EPM2A: variants seen among roughly 807,000 people sequenced by gnomAD.
EPM2A encodes the protein EPM2A glucan phosphatase, laforin.
In EPM2A, 21 loss-of-function variants were observed where a neutral mutation model predicts 26.5. The ratio of observed to expected loss-of-function variants is 0.79; its 90% CI spans 0.56 to 1.14. EPM2A has a LOEUF of 1.14. EPM2A is among the 50% of genes most tolerant of loss of function. The pLI is 0.00. For synonymous variants in EPM2A, 217 were observed against 177.6 expected, an observed-to-expected ratio of 1.22 and a Z score of -1.76; for missense variants, 458 against 440.8, an observed-to-expected ratio of 1.04 and a Z score of -0.35.
intron 2 of EPM2A, among the ~76,000 whole-genome samples, chr6:145,505,101 G>A (rs1243737272): frequency 2.5e-5 from 3 of 118,678 alleles, no homozygotes; most frequent in Non-Finnish European, 5.2e-5. Flanking sequence ...GTGGTGGGGT[G>A]GGGGGAGGGG....
intron 2 of EPM2A, among the ~76,000 whole-genome samples, chr6:145,580,756 T>G (rs765375433): frequency 6.6e-6 from 1 of 152,174 alleles, no homozygotes; most frequent in Admixed American, 6.5e-5. Flanking sequence ...CACTTATAAA[T>G]GAGAACATGT....
chr6:145,493,300 G>T (rs1779777835), intron 4 of EPM2A, among the ~76,000 whole-genome samples: 1 of 152,132 alleles, frequency 6.6e-6, no homozygotes, highest in Non-Finnish European at 1.5e-5. Flanking sequence ...AACTGTTGTT[G>T]GTGTATTGAA....
intron 4 of EPM2A, among the ~76,000 whole-genome samples, chr6:145,437,725 G>A (rs1009163469): frequency 1.3e-5 from 2 of 152,148 alleles, no homozygotes; most frequent in Non-Finnish European, 2.9e-5. Flanking sequence ...AGGGAGCCTA[G>A]ACTCTTGAAA....
intron 2 of EPM2A, among the ~76,000 whole-genome samples, chr6:145,609,001 T>TC (rs1454555044): frequency 1.3e-5 from 2 of 152,248 alleles, no homozygotes; most frequent in Non-Finnish European, 2.9e-5. Context: ...GTCTTTAATG[T>TC]ATTTGGCTAA....
intron 4 of EPM2A, among the ~76,000 whole-genome samples, chr6:145,470,693 G>A (rs184076035): frequency 6.6e-6 from 1 of 152,208 alleles, no homozygotes; most frequent in Admixed American, 6.6e-5. Flanking sequence ...GAATACACAA[G>A]TTTTATAATG....
chr6:145,626,302 C>T lies in EPM2A; in HGVS notation c.*1114G>A. 2.0e-6 allele frequency: 2 copies of T among 986,460 alleles called. No individual in the cohort carries two copies. The highest frequency in any genetic ancestry group is 2.4e-6 in the Non-Finnish European group (2 of 830,498). The allele number at this position is 986,460 out of a possible 1,614,324, so 61.1% of individuals were successfully genotyped here. A position where few individuals can be genotyped will look rare whatever the true frequency, so the allele number is the denominator to read the frequency against. The stretch of plus-strand genomic sequence containing the variant: ...GCATAGTCTGGAGGCACAGGAACTG[C>T]ATATTATACTAAATTGAGAGCTGAG... On this transcript the variant is annotated 3_prime_UTR_variant, in exon 4 of 4. Transcript: ENST00000367519.
At chr6:145,472,678 C>A (rs981816921) in intron 4 of EPM2A, among the ~76,000 whole-genome samples, 1 of 152,004 alleles carries the variant, frequency 6.6e-6, no homozygotes, top group South Asian at 2.1e-4. Context: ...GGCTCCCCTG[C>A]CTTTGAAAAG....
chr6:145,422,070 T>G (rs1335148948), intron 4 of EPM2A, among the ~76,000 whole-genome samples: 12 of 126,172 alleles, frequency 9.5e-5, no homozygotes, highest in African/African-American at 2.9e-4. Flanking sequence ...TATATATATA[T>G]ATATATAGAG....
chr6:145,566,057 C>A (rs1477878394), intron 2 of EPM2A, among the ~76,000 whole-genome samples: 2 of 152,112 alleles, frequency 1.3e-5, no homozygotes, highest in African/African-American at 4.8e-5. Context: ...CTCCGTAACC[C>A]AAGTCAGCCT....
intron 1 of EPM2A, among the ~76,000 whole-genome samples, chr6:145,698,351 G>A (rs1235516012): frequency 2.6e-5 from 4 of 152,142 alleles, no homozygotes; most frequent in Admixed American, 6.5e-5. Context: ...CTCAAGGCAT[G>A]CAGAAAAAGG....
rs769339745 is a variant in EPM2A, at chr6:145,477,655, T to C, written c.555+24867A>G. On this transcript the variant is annotated intron_variant, in intron 4 of 4. Coordinates refer to the EPM2A transcript ENST00000638717. The stretch of plus-strand genomic sequence containing the variant: ...GCAAATCAATCAATGTGATATATAA[T>C]ATTAATCAAATGAGGGATAAAAACC... 1.3e-4 allele frequency among the ~76,000 whole-genome samples: 20 copies of C among 151,886 alleles called. 1 individual carries two copies. The highest frequency in any genetic ancestry group is 1.0e-4 in the Non-Finnish European group (7 of 67,824).
At chr6:145,554,736 C>T (rs61358848) in intron 2 of EPM2A, among the ~76,000 whole-genome samples, 14,878 of 152,082 alleles carry the variant, frequency 0.098, 1,625 homozygotes, top group African/African-American at 0.27. Flanking sequence ...GCGGGCCTAT[C>T]TGATCTTATC....
chr6:145,653,579 C>T (rs879630515), intron 2 of EPM2A, among the ~76,000 whole-genome samples: 1 of 152,154 alleles, frequency 6.6e-6, no homozygotes, highest in Non-Finnish European at 1.5e-5. Context: ...AGGACATGTG[C>T]ATATGTATAT....
chr6:145,558,832 A>G (rs1780767582), intron 2 of EPM2A, among the ~76,000 whole-genome samples: 1 of 152,108 alleles, frequency 6.6e-6, no homozygotes, highest in African/African-American at 2.4e-5. Flanking sequence ...AATCAGCCTT[A>G]TGCAGAAGCA....
At chr6:145,586,349 T>C (rs1010427209) in intron 2 of EPM2A, among the ~76,000 whole-genome samples, 1 of 152,196 alleles carries the variant, frequency 6.6e-6, no homozygotes, top group East Asian at 1.9e-4. Flanking sequence ...AACGTCTTTT[T>C]TTTATCATTA....
At chr6:145,415,867 AT>A (rs35285487) in intron 4 of EPM2A, among the ~76,000 whole-genome samples, 18,013 of 152,096 alleles carry the variant, frequency 0.12, 1,129 homozygotes, top group South Asian at 0.24. Context: ...TCCTAAGCCC[AT>A]TTGCTTATGC....
At chr6:145,548,074 T>C (rs564633682) in intron 2 of EPM2A, among the ~76,000 whole-genome samples, 1 of 152,236 alleles carries the variant, frequency 6.6e-6, no homozygotes, top group African/African-American at 2.4e-5. Flanking sequence ...TTTCCAGCCT[T>C]TGCTCTTACC....
chr6:145,417,642 T>C (rs1331252405), intron 4 of EPM2A, among the ~76,000 whole-genome samples: 1 of 152,168 alleles, frequency 6.6e-6, no homozygotes, highest in Non-Finnish European at 1.5e-5. Context: ...CCATTTTACA[T>C]TCATCTTTTT....
intron 2 of EPM2A, among the ~76,000 whole-genome samples, chr6:145,509,563 TG>T (rs1245478714): frequency 1.3e-5 from 2 of 152,304 alleles, no homozygotes; most frequent in Admixed American, 1.3e-4. Context: ...AGCACTAGAC[TG>T]GCCCTATAAG....
Sources: gnomAD v4.1 joint callset for allele counts (sites outside exome capture counted in the v4.1 genomes callset) on GRCh38, gnomAD v4.1.1 for gene constraint, MANE v1.5 for transcripts, NCBI Gene and HGNC (gene_info 2026-07-23, HGNC 2026-07-21) for gene names.